The following TMEM132B variants were observed in gnomAD, a reference collection of about 807,000 sequenced individuals.
TMEM132B encodes transmembrane protein 132B.
TMEM132B carries 18 observed loss-of-function variants against 90.8 expected under a neutral mutation model. The ratio of observed to expected loss-of-function variants is 0.20; its 90% confidence interval spans 0.14 to 0.29. TMEM132B has a LOEUF of 0.29. Ranked by LOEUF, TMEM132B falls within the 10% of genes least tolerant of loss-of-function variation. The pLI is 1.00. For synonymous variants in TMEM132B, 504 were observed against 523.3 expected, an observed-to-expected ratio of 0.96 and a Z score of 0.50; for missense variants, 1,096 against 1,326.8, an observed-to-expected ratio of 0.83 and a Z score of 2.70.
intron 6 of TMEM132B, among the ~76,000 whole-genome samples, chr12:125,645,217 CAAAAAAA>C (rs57035989): frequency 2.7e-5 from 2 of 73,562 alleles, no homozygotes; most frequent in Non-Finnish European, 5.1e-5. Flanking sequence ...GACTCCGTCT[CAAAAAAA>C]AAAAAAAAAA....
chr12:125,550,196 A>G (rs1884188854), intron 4 of TMEM132B, among the ~76,000 whole-genome samples: 1 of 152,120 alleles, frequency 6.6e-6, no homozygotes, highest in African/African-American at 2.4e-5. Flanking sequence ...CGCTCAAGAC[A>G]CCCAGCACAC....
chr12:125,377,081 C>G (rs1878516435), intron 2 of TMEM132B, among the ~76,000 whole-genome samples: 1 of 152,236 alleles, frequency 6.6e-6, no homozygotes. Context: ...GGCCAGCAGC[C>G]TGCGTTTCCC....
chr12:125,415,656 A>G lies in TMEM132B; in HGVS notation c.1085A>G (p.His362Arg). ...QTSATLTCMG[H>R]RPDTQSRVNG... ...TCGGCCACCCTCACCTGCATGGGCC[A>G]TCGCCCGGACACGCAGAGCAGGTAA... is the stretch of plus-strand genomic sequence containing the variant. The change falls in exon 3 of 9, where the codon CAT becomes CGT. Residue 362 changes from histidine (H) to arginine (R), a missense_variant. Physicochemically the swap from His to Arg is conservative, Grantham distance 29 (BLOSUM62 0). Coordinates refer to ENST00000682704, the MANE Select transcript of TMEM132B (RefSeq NM_001366854.1). This position sits in a 1 kb window ranked among gnomAD's most constrained non-coding sequence, Gnocchi z 5.3. The G allele has an allele frequency of 1.2e-6, 2 of 1,614,186 alleles. No homozygotes were observed. The highest frequency in any genetic ancestry group is 1.7e-6 in the Non-Finnish European group (2 of 1,180,032).
At chr12:125,540,116 G>A (rs1027045503) in intron 4 of TMEM132B, among the ~76,000 whole-genome samples, 1 of 152,096 alleles carries the variant, frequency 6.6e-6, no homozygotes, top group Non-Finnish European at 1.5e-5. Flanking sequence ...ATGTTTGGGG[G>A]CATTTTCCAG....
chr12:125,612,336 G>A (rs1182323524), intron 5 of TMEM132B, among the ~76,000 whole-genome samples: 1 of 151,674 alleles, frequency 6.6e-6, no homozygotes, highest in Admixed American at 6.6e-5. Flanking sequence ...ACAGGTGCAT[G>A]CCTGTAATCC....
At chr12:125,439,024 C>T (rs1389952012) in intron 3 of TMEM132B, among the ~76,000 whole-genome samples, 1 of 152,146 alleles carries the variant, frequency 6.6e-6, no homozygotes, top group East Asian at 1.9e-4. Flanking sequence ...CCTATTCTTA[C>T]ACACAAAATC....
At chr12:125,574,433 G>A (rs1245039889) in intron 4 of TMEM132B, among the ~76,000 whole-genome samples, 1 of 152,160 alleles carries the variant, frequency 6.6e-6, no homozygotes, top group Admixed American at 6.6e-5. Context: ...CGTGGAAGGA[G>A]TTGCTGCTAT....
intron 4 of TMEM132B, among the ~76,000 whole-genome samples, chr12:125,534,680 AC>A (rs1883750016): frequency 2.6e-5 from 2 of 77,370 alleles, no homozygotes; most frequent in African/African-American, 9.5e-5. Context: ...TACTACCATC[AC>A]TACTACCATT....
At chr12:125,510,319 G>A (rs145629513) in intron 3 of TMEM132B, among the ~76,000 whole-genome samples, 14 of 152,220 alleles carry the variant, frequency 9.2e-5, no homozygotes, top group African/African-American at 3.4e-4. Context: ...AGCAAAAATA[G>A]GACCACTCAT....
At chr12:125,214,054 C>T (rs1490689306) in intron 1 of TMEM132B, among the ~76,000 whole-genome samples, 1 of 152,146 alleles carries the variant, frequency 6.6e-6, no homozygotes, top group Non-Finnish European at 1.5e-5. Flanking sequence ...ATAAATAATT[C>T]CAATACAGTG....
At chr12:125,323,499 C>T (rs1177620532) in intron 1 of TMEM132B, among the ~76,000 whole-genome samples, 2 of 128,212 alleles carry the variant, frequency 1.6e-5, no homozygotes, top group Admixed American at 1.5e-4. Flanking sequence ...CTCTTTCTGC[C>T]TCTCAGCTTC....
chr12:125,235,535 C>T (rs1430686518), intron 1 of TMEM132B, among the ~76,000 whole-genome samples: 7 of 151,688 alleles, frequency 4.6e-5, no homozygotes, highest in Non-Finnish European at 1.0e-4. Flanking sequence ...ACATTCACAA[C>T]GTTGTGCAAC....
chr12:125,449,680 G>GT (rs1208825221), intron 3 of TMEM132B, among the ~76,000 whole-genome samples: 21 of 121,294 alleles, frequency 1.7e-4, no homozygotes, highest in African/African-American at 6.0e-4. Flanking sequence ...CAAATTGTGG[G>GT]GTTTTTTTTT....
rs149160775 is a variant in TMEM132B at position 125,487,470 on chromosome 12, T to A, written c.1107-31969T>A. 3.9e-3 allele frequency among the ~76,000 whole-genome samples: 598 copies of A among 152,364 alleles called. 6 individuals carry two copies. The highest frequency in any genetic ancestry group is 0.013 in the African/African-American group (551 of 41,572). On this transcript the variant is annotated intron_variant, in intron 3 of 8. Coordinates refer to ENST00000682704, the MANE Select transcript of TMEM132B (RefSeq NM_001366854.1). ...AGTTTCTGAGCCACATCCAAGTAGC[T>A]ACAAACAAGTCCAAGTAGTAATCAG...
intron 1 of TMEM132B, among the ~76,000 whole-genome samples, chr12:125,255,433 A>G (rs969843563): frequency 3.9e-5 from 6 of 152,040 alleles, no homozygotes; most frequent in Admixed American, 6.5e-5. Flanking sequence ...TCTGTCTTTG[A>G]TTCTGTTCAA....
chr12:125,633,014 C>A (rs906736505), intron 5 of TMEM132B, among the ~76,000 whole-genome samples: 1 of 152,016 alleles, frequency 6.6e-6, no homozygotes, highest in Non-Finnish European at 1.5e-5. Context: ...CTCTTCGAAG[C>A]CAATAACTCT....
chr12:125,644,313 A>G, intron 6 of TMEM132B, 32 bp downstream of exon 6: 6 of 1,610,098 alleles, frequency 3.7e-6, no homozygotes, highest in Non-Finnish European at 5.1e-6. Context: ...TGTGGATCCG[A>G]TTGTCCTGGA....
chr12:125,236,938 G>C (rs895764093), intron 1 of TMEM132B, among the ~76,000 whole-genome samples: 1 of 152,252 alleles, frequency 6.6e-6, no homozygotes, highest in African/African-American at 2.4e-5. Context: ...TGCGGGAGCA[G>C]GAGTGGAGCA....
At chr12:125,601,141 C>T (rs1010970632) in intron 5 of TMEM132B, among the ~76,000 whole-genome samples, 12 of 152,188 alleles carry the variant, frequency 7.9e-5, no homozygotes, top group African/African-American at 2.7e-4. Context: ...CAGAACTCTC[C>T]ACCCCAAATC....
Sources: allele counts gnomAD v4.1 joint callset (sites outside exome capture counted in the v4.1 genomes callset), GRCh38; gene constraint gnomAD v4.1.1; non-coding constraint Gnocchi (gnomAD v3.1); transcripts MANE v1.5; gene names NCBI Gene and HGNC (gene_info 2026-07-23, HGNC 2026-07-21).